JMJD1C: variants seen among roughly 807,000 people sequenced by gnomAD.
JMJD1C encodes jumonji domain containing 1C.
JMJD1C carries 31 observed loss-of-function variants against 245.3 expected under a neutral mutation model. That is an observed-to-expected ratio of 0.13 (90% confidence interval 0.09 to 0.17). JMJD1C has a LOEUF of 0.17. Ranked by LOEUF, JMJD1C falls within the 10% of genes least tolerant of loss-of-function variation. The pLI is 1.00. For synonymous variants in JMJD1C, 1,057 were observed against 1,017.4 expected, an observed-to-expected ratio of 1.04 and a Z score of -0.74; for missense variants, 2,691 against 3,000.2, an observed-to-expected ratio of 0.90 and a Z score of 2.41.
At chr10:63,318,618 C>T (rs557569253) in intron 2 of JMJD1C, among the ~76,000 whole-genome samples, 3 of 152,000 alleles carry the variant, frequency 2.0e-5, no homozygotes, top group African/African-American at 4.8e-5. Context: ...AGAACTCTTA[C>T]GTAAGTTCAA....
At chr10:63,180,601 TTTTGTTTG>T (rs894613104) in intron 22 of JMJD1C, among the ~76,000 whole-genome samples, 5 of 152,104 alleles carry the variant, frequency 3.3e-5, no homozygotes, top group African/African-American at 1.2e-4. Context: ...TCTGGTATCT[TTTTGTTTG>T]TTTGTTTGTT....
chr10:63,419,306 G>A (rs1185179945), intron 1 of JMJD1C, among the ~76,000 whole-genome samples: 1 of 151,966 alleles, frequency 6.6e-6, no homozygotes, highest in Admixed American at 6.6e-5. Flanking sequence ...AGAATGGCTT[G>A]AACCCAGGAG....
At chr10:63,391,824 C>A (rs76183377) in intron 1 of JMJD1C, among the ~76,000 whole-genome samples, 2,970 of 152,120 alleles carry the variant, frequency 0.02, 43 homozygotes, top group South Asian at 0.038. Flanking sequence ...TAAAAAAGAG[C>A]CTAAGGAGCC....
chr10:63,390,063 C>T (rs544912973), intron 1 of JMJD1C, among the ~76,000 whole-genome samples: 1 of 152,062 alleles, frequency 6.6e-6, no homozygotes, highest in East Asian at 1.9e-4. Context: ...GCAACAGATA[C>T]TAACAAAATA....
At chr10:63,320,104 C>T (rs1202003491) in intron 2 of JMJD1C, among the ~76,000 whole-genome samples, 1 of 152,162 alleles carries the variant, frequency 6.6e-6, no homozygotes, top group African/African-American at 2.4e-5. Context: ...TGGTGTTTCA[C>T]CATGTTGGCC....
chr10:63,452,216 A>C (rs1385153523), intron 1 of JMJD1C, among the ~76,000 whole-genome samples: 1 of 152,226 alleles, frequency 6.6e-6, no homozygotes, highest in Non-Finnish European at 1.5e-5. Flanking sequence ...AATAACCAGA[A>C]TATGTAAAGA....
chr10:63,465,100 G>A (rs1238921398), intron 1 of JMJD1C: 2 of 236,838 alleles, frequency 8.4e-6, no homozygotes, highest in Admixed American at 5.6e-5. Flanking sequence ...AGAGATACCA[G>A]GGAAGCTGGC....
At chr10:63,431,259 C>T (rs1950729035) in intron 1 of JMJD1C, among the ~76,000 whole-genome samples, 1 of 152,128 alleles carries the variant, frequency 6.6e-6, no homozygotes, top group Admixed American at 6.5e-5. Flanking sequence ...GGGCAACCAT[C>T]TCATTCAAAA....
Position 63,505,441 on chromosome 10 carries a change from T to C in JMJD1C, n.113+16297A>G, listed in dbSNP as rs377215221. On this transcript the variant is annotated intron_variant and non_coding_transcript_variant, in intron 1 of 3. Transcript: ENST00000633035. Reference sequence around the variant, plus strand: ...ACAAAGGAATTTCACGGTAAGATGATTGAAAATTCAAGATTTTAGAGATGG... The same window carrying C: ...ACAAAGGAATTTCACGGTAAGATGACTGAAAATTCAAGATTTTAGAGATGG... Among the ~76,000 whole-genome samples, 19 of 152,110 alleles carry C rather than the reference T, an allele frequency of 1.2e-4. No individual in the cohort carries two copies. In the East Asian group the frequency reaches 1.3e-3, roughly 11 times the overall value.
chr10:63,231,820 G>A (rs1052135575), intron 3 of JMJD1C, among the ~76,000 whole-genome samples: 14 of 152,034 alleles, frequency 9.2e-5, no homozygotes, highest in African/African-American at 2.7e-4. Context: ...AATAAAACAA[G>A]AAAATAGACT....
At chr10:63,447,054 C>G (rs1412626282) in intron 1 of JMJD1C, among the ~76,000 whole-genome samples, 2 of 142,390 alleles carry the variant, frequency 1.4e-5, no homozygotes, top group Non-Finnish European at 3.0e-5. Flanking sequence ...GACAAAATAT[C>G]TGTAAGCATT....
chr10:63,195,112 T>C (rs1845291378), intron 13 of JMJD1C, among the ~76,000 whole-genome samples: 1 of 152,182 alleles, frequency 6.6e-6, no homozygotes, highest in Non-Finnish European at 1.5e-5. Context: ...CCCAGCATTT[T>C]GGGAGGCCAA....
chr10:63,312,193 C>A (rs1001496238), intron 2 of JMJD1C, among the ~76,000 whole-genome samples: 1 of 151,224 alleles, frequency 6.6e-6, no homozygotes, highest in African/African-American at 2.4e-5. Flanking sequence ...CCACAACCTC[C>A]GCCTCCCAGG....
chr10:63,322,533 G>C (rs1191596014), intron 2 of JMJD1C, among the ~76,000 whole-genome samples: 1 of 152,054 alleles, frequency 6.6e-6, no homozygotes, highest in Admixed American at 6.6e-5. Flanking sequence ...AAAATTTTCT[G>C]GCCAGGCACG....
chr10:63,445,162 G>GT (rs570994671), intron 1 of JMJD1C, among the ~76,000 whole-genome samples: 49 of 152,276 alleles, frequency 3.2e-4, no homozygotes, highest in African/African-American at 8.7e-4. Flanking sequence ...TGAGATTGCA[G>GT]TAAGCTATGA....
intron 1 of JMJD1C, among the ~76,000 whole-genome samples, chr10:63,491,942 A>T (rs1264686406): frequency 2.0e-5 from 3 of 152,232 alleles, no homozygotes; most frequent in Non-Finnish European, 4.4e-5. Flanking sequence ...CTAAACTAAG[A>T]GGGGCAGAGC....
chr10:63,473,336 C>T (rs796071086), intron 1 of JMJD1C, among the ~76,000 whole-genome samples: 8 of 152,134 alleles, frequency 5.3e-5, no homozygotes, highest in East Asian at 3.9e-4. Flanking sequence ...ACCTCTGCCT[C>T]GGAAGTTCAA....
chr10:63,425,614 T>A (rs1444167087), intron 1 of JMJD1C, among the ~76,000 whole-genome samples: 1 of 151,926 alleles, frequency 6.6e-6, no homozygotes, highest in Non-Finnish European at 1.5e-5. Context: ...AGATCCCATC[T>A]CTACAAAAAA....
intron 3 of JMJD1C, among the ~76,000 whole-genome samples, chr10:63,239,681 G>T (rs2133483768): frequency 6.6e-6 from 1 of 152,244 alleles, no homozygotes; most frequent in Non-Finnish European, 1.5e-5. Flanking sequence ...CTTGACCTCA[G>T]GTGATCCACC....
Sources: gnomAD v4.1 joint callset for allele counts (sites outside exome capture counted in the v4.1 genomes callset) on GRCh38, gnomAD v4.1.1 for gene constraint, MANE v1.5 for transcripts, NCBI Gene and HGNC (gene_info 2026-07-23, HGNC 2026-07-21) for gene names.